The following SLC2A13 variants were observed in gnomAD, a reference collection of about 807,000 sequenced individuals.
The protein encoded by SLC2A13 is solute carrier family 2 member 13, also known as proton myo-inositol cotransporter.
In SLC2A13, 32 loss-of-function variants were observed where a neutral mutation model predicts 64.4. The observed-to-expected ratio is 0.50, with a 90% CI of 0.37 to 0.67. SLC2A13 has a LOEUF of 0.67. Among genes scored for constraint, SLC2A13 ranks in the 30% least tolerant of loss-of-function variants. The pLI is 0.00. For missense variants in SLC2A13, 743 were observed against 829.2 expected (o/e 0.90, Z 1.28); for synonymous variants, 338 against 327.1 (o/e 1.03, Z -0.36).
intron 7 of SLC2A13, among the ~76,000 whole-genome samples, chr12:39,804,942 C>G (rs796134965): frequency 1.8e-4 from 24 of 133,502 alleles, no homozygotes; most frequent in African/African-American, 6.5e-4. Context: ...AAACACTCTG[C>G]AGATACCTGA....
rs1022747139 is a variant in SLC2A13 at position 40,078,774 on chromosome 12, G to T, written c.556+26479C>A. 6.1e-4 allele frequency among the ~76,000 whole-genome samples: 93 copies of T among 152,192 alleles called. 1 individual carries two copies. Among genetic ancestry groups the T allele is most frequent in the African/African-American group, 2.0e-3 (85 of 41,532 alleles). ...ATCCCTCTGGTCCAGGGCTTTTACT[G>T]GTTGGTAGGTTTTTTATTACTGATT... On this transcript the variant is annotated intron_variant, in intron 1 of 9. Transcript: ENST00000280871.
chr12:39,839,585 C>T (rs564435662), intron 6 of SLC2A13, among the ~76,000 whole-genome samples: 1 of 152,030 alleles, frequency 6.6e-6, no homozygotes, highest in Non-Finnish European at 1.5e-5. Context: ...CTCTTTCCTA[C>T]AATGTTCTCA....
intron 1 of SLC2A13, among the ~76,000 whole-genome samples, chr12:40,064,200 G>A (rs1324902092): frequency 2.0e-5 from 3 of 151,922 alleles, no homozygotes; most frequent in Admixed American, 6.6e-5. Context: ...AGCTATAATC[G>A]CTCCACTGTA....
chr12:39,901,098 CT>C (rs1461057729), intron 4 of SLC2A13, among the ~76,000 whole-genome samples: 5 of 152,166 alleles, frequency 3.3e-5, no homozygotes, highest in African/African-American at 1.2e-4. Context: ...AAAGGATTCC[CT>C]ATTTAATAAA....
Position 39,983,093 on chromosome 12 carries a change from A to C in SLC2A13, c.926-31728T>G, listed in dbSNP as rs1318417570. On this transcript the variant is annotated intron_variant, in intron 3 of 9. Transcript: ENST00000280871. Reference sequence around the variant, plus strand: ...GCAATGGGGAAAGGATCCCCTATTTAATAAATGGTGCTGGGAAAACTGGCT... The same window carrying C: ...GCAATGGGGAAAGGATCCCCTATTTCATAAATGGTGCTGGGAAAACTGGCT... Among the ~76,000 whole-genome samples, 3 of 151,792 alleles carry C rather than the reference A, an allele frequency of 2.0e-5. No individual in the cohort carries two copies. The East Asian group carries it at 5.8e-4, about 30-fold the overall frequency.
At chr12:40,066,281 C>A (rs1295306116) in intron 1 of SLC2A13, among the ~76,000 whole-genome samples, 3 of 152,096 alleles carry the variant, frequency 2.0e-5, no homozygotes, top group African/African-American at 7.2e-5. Context: ...TAAATGGCCC[C>A]AAAGCTAGCT....
intron 1 of SLC2A13, among the ~76,000 whole-genome samples, chr12:40,099,514 T>C (rs1481234305): frequency 6.6e-6 from 1 of 152,250 alleles, no homozygotes; most frequent in Non-Finnish European, 1.5e-5. Flanking sequence ...TTTGAGTGTG[T>C]TCTTACTTTA....
chr12:39,886,282 T>A, intron 4 of SLC2A13, among the ~76,000 whole-genome samples: 1 of 152,166 alleles, frequency 6.6e-6, no homozygotes, highest in Non-Finnish European at 1.5e-5. Context: ...GCGGGCATAT[T>A]GACAGCGCTG....
At chr12:39,774,686 A>T (rs1940711426) in intron 7 of SLC2A13, among the ~76,000 whole-genome samples, 1 of 151,896 alleles carries the variant, frequency 6.6e-6, no homozygotes, top group African/African-American at 2.4e-5. Context: ...ATTTTCTAAT[A>T]AAAAAGTCTT....
intron 3 of SLC2A13, among the ~76,000 whole-genome samples, chr12:40,000,252 T>A (rs1238600816): frequency 6.6e-6 from 1 of 152,134 alleles, no homozygotes; most frequent in Non-Finnish European, 1.5e-5. Context: ...GGTATGTCTT[T>A]ATCAGCAGCA....
intron 4 of SLC2A13, among the ~76,000 whole-genome samples, chr12:39,902,481 T>A (rs1437713026): frequency 3.9e-5 from 6 of 152,098 alleles, no homozygotes; most frequent in African/African-American, 1.4e-4. Flanking sequence ...ATACTTCTTG[T>A]AATAAATTAA....
chr12:39,795,331 CTTAAT>C (rs2135773064), intron 7 of SLC2A13, among the ~76,000 whole-genome samples: 1 of 152,134 alleles, frequency 6.6e-6, no homozygotes, highest in East Asian at 1.9e-4. Context: ...CAGTTTTAAA[CTTAAT>C]TTATCATATA....
chr12:39,783,573 A>T (rs563357170), intron 7 of SLC2A13, among the ~76,000 whole-genome samples: 97 of 152,282 alleles, frequency 6.4e-4, no homozygotes, highest in Non-Finnish European at 1.2e-3. Context: ...CTAACTGGTG[A>T]GAGATGGTAT....
intron 6 of SLC2A13, among the ~76,000 whole-genome samples, chr12:39,855,841 G>A (rs1348811273): frequency 6.6e-6 from 1 of 152,120 alleles, no homozygotes; most frequent in Non-Finnish European, 1.5e-5. Flanking sequence ...GAAGAGACAT[G>A]TGACCTATAT....
intron 6 of SLC2A13, among the ~76,000 whole-genome samples, chr12:39,834,857 T>C (rs1942963813): frequency 6.6e-6 from 1 of 152,076 alleles, no homozygotes; most frequent in Admixed American, 6.6e-5. Context: ...ATTTAGAAGG[T>C]GGCACAAAAC....
intron 1 of SLC2A13, among the ~76,000 whole-genome samples, chr12:40,052,011 C>A (rs921607203): frequency 2.6e-5 from 4 of 151,820 alleles, no homozygotes; most frequent in African/African-American, 9.7e-5. Flanking sequence ...TCTTTGGTAT[C>A]TAGGTTAAAG....
At chr12:39,812,877 C>G (rs1159365701) in intron 7 of SLC2A13, among the ~76,000 whole-genome samples, 2 of 148,516 alleles carry the variant, frequency 1.3e-5, no homozygotes, top group Non-Finnish European at 3.0e-5. Flanking sequence ...CTCTGTCACC[C>G]AGGCTGGAGT....
intron 7 of SLC2A13, among the ~76,000 whole-genome samples, chr12:39,810,214 C>G (rs944272663): frequency 6.6e-6 from 1 of 152,156 alleles, no homozygotes; most frequent in Non-Finnish European, 1.5e-5. Context: ...TTTAATTTCA[C>G]TCGGTAATAT....
At chr12:40,004,259 A>G (rs1334093023) in intron 3 of SLC2A13, among the ~76,000 whole-genome samples, 1 of 151,946 alleles carries the variant, frequency 6.6e-6, no homozygotes, top group Non-Finnish European at 1.5e-5. Context: ...ATCTCAGCTC[A>G]CTGCAACCTC....
Sources: gnomAD v4.1 joint callset for allele counts (sites outside exome capture counted in the v4.1 genomes callset) on GRCh38, gnomAD v4.1.1 for gene constraint, MANE v1.5 for transcripts, NCBI Gene and HGNC (gene_info 2026-07-23, HGNC 2026-07-21) for gene names.